Variants in CGNL1 observed in about 807,000 individuals in gnomAD.
The protein encoded by CGNL1 is cingulin like 1.
A neutral mutation model predicts 141.2 loss-of-function variants in CGNL1; 132 were observed. The observed-to-expected ratio is 0.93, with a 90% CI of 0.81 to 1.08. The LOEUF (loss-of-function observed/expected upper bound fraction) is 1.08, where lower values mean the gene tolerates loss of function less well. Ranked by LOEUF, CGNL1 falls within the 50% of genes least tolerant of loss-of-function variation. The probability of loss-of-function intolerance (pLI) is 0.00; values close to 1 mark genes in which losing one functional copy is unlikely to be tolerated. For missense variants in CGNL1, 1,870 were observed against 1,588.6 expected (o/e 1.18, Z -3.01); for synonymous variants, 690 against 622.1 (o/e 1.11, Z -1.63).
chr15:57,505,948 C>T (rs749356812), intron 8 of CGNL1, among the ~76,000 whole-genome samples: 4 of 152,152 alleles, frequency 2.6e-5, no homozygotes, highest in African/African-American at 7.2e-5. Flanking sequence ...TTGAAGGATC[C>T]GTTTTCACAA....
At chr15:57,526,444 C>T (rs1204021894) in intron 12 of CGNL1, among the ~76,000 whole-genome samples, 1 of 151,832 alleles carries the variant, frequency 6.6e-6, no homozygotes, top group Admixed American at 6.6e-5. Context: ...TGCCCCTCTG[C>T]TTGTGTTTTG....
At chr15:57,420,137 C>T (rs1316012515) in intron 1 of CGNL1, among the ~76,000 whole-genome samples, 3 of 152,112 alleles carry the variant, frequency 2.0e-5, no homozygotes, top group African/African-American at 7.2e-5. Flanking sequence ...TAGGATACTC[C>T]AGGCTCATCT....
intron 8 of CGNL1, among the ~76,000 whole-genome samples, chr15:57,495,410 T>C (rs892578321): frequency 4.6e-5 from 7 of 152,184 alleles, no homozygotes; most frequent in Non-Finnish European, 8.8e-5. Flanking sequence ...AAGGCCTCCC[T>C]TCTGTGTCAA....
intron 7 of CGNL1, among the ~76,000 whole-genome samples, chr15:57,459,408 T>C (rs370781852): frequency 6.6e-6 from 1 of 152,072 alleles, no homozygotes; most frequent in South Asian, 2.1e-4. Context: ...ATAAAAAGTG[T>C]TAAGTACTGT....
Position 57,545,605 on chromosome 15 carries a change from C to T in CGNL1, c.3514C>T (p.Leu1172Phe), listed in dbSNP as rs1396021428. The T allele has an allele frequency of 6.2e-7, 1 of 1,613,356 alleles. No homozygotes were observed. Among genetic ancestry groups the T allele is most frequent in the Non-Finnish European group, 8.5e-7 (1 of 1,179,846 alleles). Residue 1172 changes from leucine to phenylalanine, a missense_variant, in exon 17 of 19, where the codon CTT becomes TTT. By Grantham distance (22) the Leu-to-Phe change is conservative (BLOSUM62 0). Coordinates refer to ENST00000281282, the MANE Select transcript of CGNL1 (RefSeq NM_032866.5). ...CCCCTCTTCCAGGGATCGGGCCAAT[C>T]TTCAGCTCAGCAACCGGCGGCTGGA... is the stretch of plus-strand genomic sequence containing the variant. ...LESEERDRAN[L>F]QLSNRRLERK...
chr15:57,399,766 G>T (rs1343100395), intron 1 of CGNL1, among the ~76,000 whole-genome samples: 1 of 152,052 alleles, frequency 6.6e-6, no homozygotes, highest in Non-Finnish European at 1.5e-5. Flanking sequence ...CACTCTGGGC[G>T]GGGAGCCTCC....
At chr15:57,458,853 T>C (rs1295459351) in intron 7 of CGNL1, among the ~76,000 whole-genome samples, 10 of 152,218 alleles carry the variant, frequency 6.6e-5, no homozygotes, top group Admixed American at 6.5e-4. Flanking sequence ...CCGGCCTCGT[T>C]ACCTGCATGG....
rs71116514 is a variant in CGNL1 at position 57,378,363 on chromosome 15, G to GTTTTTTTTTTTTTTT, written c.-16+1817_-16+1831dup. Among the ~76,000 whole-genome samples, 11 of 33,918 alleles carry GTTTTTTTTTTTTTTT rather than the reference G, an allele frequency of 3.2e-4. 1 individual carries two copies. The highest frequency in any genetic ancestry group is 5.0e-4 in the Non-Finnish European group (9 of 18,108). 22.3% of individuals were successfully genotyped at this position (33,918 alleles called of 152,430 possible). A position where few individuals can be genotyped will look rare whatever the true frequency, so the allele number is the denominator to read the frequency against. ...TTTCTTAGGGGGTGGCCCTCTATGT[G>GTTTTTTTTTTTTTTT]TTTTTTTTTTTTTTTTTTTTTTTTT... On this transcript the variant is annotated intron_variant, in intron 1 of 18. Transcript: ENST00000281282.
intron 8 of CGNL1, 62 bp from the exon 9 acceptor site, chr15:57,516,718 C>A (rs1388585481): frequency 2.6e-6 from 4 of 1,539,310 alleles, no homozygotes; most frequent in Non-Finnish European, 3.6e-6. Flanking sequence ...AGCCATTCTT[C>A]CAGCCTGGGG....
chr15:57,523,989 G>A (rs532815243), intron 11 of CGNL1, among the ~76,000 whole-genome samples: 1 of 152,304 alleles, frequency 6.6e-6, no homozygotes, highest in African/African-American at 2.4e-5. Context: ...TTGTCCAGGA[G>A]TGTGAAAGGC....
chr15:57,437,868 A>C (rs2063126180), intron 1 of CGNL1, 117 bp from the exon 2 acceptor site: 3 of 1,036,546 alleles, frequency 2.9e-6, no homozygotes, highest in Admixed American at 2.3e-5. Context: ...TTTGCTGTTT[A>C]AAATGTCTTG....
chr15:57,464,446 T>C (rs1173774852), intron 8 of CGNL1, among the ~76,000 whole-genome samples: 1 of 152,222 alleles, frequency 6.6e-6, no homozygotes, highest in East Asian at 1.9e-4. Flanking sequence ...GCCTGTGCTC[T>C]TAGCCTCTTG....
intron 1 of CGNL1, among the ~76,000 whole-genome samples, chr15:57,412,144 T>G (rs1477823736): frequency 6.6e-6 from 1 of 152,218 alleles, no homozygotes; most frequent in Non-Finnish European, 1.5e-5. Flanking sequence ...CGGGTGCTGG[T>G]GATGTGCCTG....
chr15:57,508,779 T>A (rs2932191), intron 8 of CGNL1, among the ~76,000 whole-genome samples: 144,470 of 152,330 alleles, frequency 0.95, 68,922 homozygotes, highest in Non-Finnish European at 1. Context: ...TCCACAGACC[T>A]GCATCATTGG....
At chr15:57,525,081 A>G (rs1420351151) in intron 12 of CGNL1, among the ~76,000 whole-genome samples, 1 of 152,184 alleles carries the variant, frequency 6.6e-6, no homozygotes, top group Non-Finnish European at 1.5e-5. Context: ...ATATGCTTTC[A>G]TGTTTTAATT....
At chr15:57,465,431 C>T (rs1468140787) in intron 8 of CGNL1, among the ~76,000 whole-genome samples, 1 of 139,780 alleles carries the variant, frequency 7.2e-6, no homozygotes, top group Admixed American at 7.3e-5. Flanking sequence ...CACTCTGTTG[C>T]CCAGGCTGGA....
At chr15:57,463,650 C>A (rs1454446776) in intron 8 of CGNL1, among the ~76,000 whole-genome samples, 1 of 152,232 alleles carries the variant, frequency 6.6e-6, no homozygotes, top group Non-Finnish European at 1.5e-5. Context: ...CAAATCTGAT[C>A]GTGTCAGCCT....
At chr15:57,543,805 C>A (rs758284345) in intron 15 of CGNL1, 26 bp downstream of exon 15, 3 of 1,555,252 alleles carry the variant, frequency 1.9e-6, no homozygotes, top group East Asian at 2.2e-5. Context: ...CTGTGAGCTG[C>A]CCCCCCGTCC....
chr15:57,398,185 A>G (rs1475071991), intron 1 of CGNL1, among the ~76,000 whole-genome samples: 1 of 152,252 alleles, frequency 6.6e-6, no homozygotes, highest in Non-Finnish European at 1.5e-5. Context: ...TAAGATGAAA[A>G]TTAAAAACTT....
Sources: allele counts gnomAD v4.1 joint callset (sites outside exome capture counted in the v4.1 genomes callset), GRCh38; gene constraint gnomAD v4.1.1; transcripts MANE v1.5; gene names NCBI Gene and HGNC (gene_info 2026-07-23, HGNC 2026-07-21).